The following ENTHD1 variants were observed in gnomAD, a reference collection of about 807,000 sequenced individuals.
ENTHD1 encodes the protein ENTH domain-containing protein 1.
A neutral mutation model predicts 39.1 loss-of-function variants in ENTHD1; 23 were observed. The ratio of observed to expected loss-of-function variants is 0.59; its 90% confidence interval spans 0.42 to 0.83. The LOEUF is 0.83. Among genes scored for constraint, ENTHD1 ranks in the 40% least tolerant of loss-of-function variants. ENTHD1 has a pLI of 0.00. For missense variants in ENTHD1, 624 were observed against 705.4 expected (o/e 0.88, Z 1.31); for synonymous variants, 230 against 258.2 (o/e 0.89, Z 1.05).
At chr22:39,865,759 T>TG (rs2066177340) in intron 2 of ENTHD1, among the ~76,000 whole-genome samples, 1 of 152,196 alleles carries the variant, frequency 6.6e-6, no homozygotes, top group Admixed American at 6.5e-5. Flanking sequence ...CAGTTTTAAT[T>TG]GGGAATCTTT....
At chr22:39,881,090 C>A (rs1246168260) in intron 2 of ENTHD1, among the ~76,000 whole-genome samples, 1 of 152,172 alleles carries the variant, frequency 6.6e-6, no homozygotes, top group African/African-American at 2.4e-5. Flanking sequence ...CCACTTGTTA[C>A]AAAGTGCAGT....
chr22:39,823,873 G>A (rs894151564), intron 4 of ENTHD1, among the ~76,000 whole-genome samples: 1 of 152,132 alleles, frequency 6.6e-6, no homozygotes, highest in South Asian at 2.1e-4. Flanking sequence ...TTCATTGCAT[G>A]TTTAAGTTAC....
intron 5 of ENTHD1, among the ~76,000 whole-genome samples, chr22:39,820,532 A>G (rs1281594441): frequency 1.3e-5 from 2 of 152,206 alleles, no homozygotes; most frequent in African/African-American, 4.8e-5. Context: ...GCCCAGTTGG[A>G]ACTCAATCGT....
At chr22:39,765,014 A>C (rs2065263358) in intron 6 of ENTHD1, among the ~76,000 whole-genome samples, 1 of 152,156 alleles carries the variant, frequency 6.6e-6, no homozygotes, top group Admixed American at 6.5e-5. Flanking sequence ...CACGGTGATG[A>C]ATTATCTATT....
intron 3 of ENTHD1, among the ~76,000 whole-genome samples, chr22:39,838,561 C>G (rs930547187): frequency 3.9e-5 from 6 of 152,174 alleles, no homozygotes; most frequent in East Asian, 1.9e-4. Context: ...CTGCTGAGCC[C>G]TGCTTGTAGC....
intron 5 of ENTHD1, among the ~76,000 whole-genome samples, chr22:39,768,089 TAA>T (rs1425827160): frequency 6.6e-6 from 1 of 152,208 alleles, no homozygotes; most frequent in Non-Finnish European, 1.5e-5. Flanking sequence ...TACAGAAAGC[TAA>T]AGAGTCTTGA....
At chr22:39,833,103 TC>T (rs2146671704) in intron 4 of ENTHD1, among the ~76,000 whole-genome samples, 1 of 152,208 alleles carries the variant, frequency 6.6e-6, no homozygotes, top group East Asian at 1.9e-4. Context: ...AAGAAGTGTC[TC>T]CCCCTAAGGC....
intron 5 of ENTHD1, among the ~76,000 whole-genome samples, chr22:39,777,919 G>C (rs1425310036): frequency 6.6e-6 from 1 of 152,216 alleles, no homozygotes; most frequent in Non-Finnish European, 1.5e-5. Context: ...AACGGAGCCT[G>C]GTCTCTGGTA....
At chr22:39,836,727 G>T (rs1423930298) in intron 3 of ENTHD1, among the ~76,000 whole-genome samples, 29 of 152,174 alleles carry the variant, frequency 1.9e-4, no homozygotes, top group Non-Finnish European at 1.5e-5. Flanking sequence ...GGTGGGAGGT[G>T]ATTGGTTCAT....
At chr22:39,858,996 CA>C (rs1362631239) in intron 3 of ENTHD1, among the ~76,000 whole-genome samples, 1 of 152,204 alleles carries the variant, frequency 6.6e-6, no homozygotes, top group Non-Finnish European at 1.5e-5. Context: ...CCCCCTTCAT[CA>C]ATTACCTTAG....
intron 4 of ENTHD1, among the ~76,000 whole-genome samples, chr22:39,833,175 G>T (rs2065883515): frequency 6.6e-6 from 1 of 152,124 alleles, no homozygotes; most frequent in Non-Finnish European, 1.5e-5. Context: ...CTTAGGGTGA[G>T]AAATGATCAG....
At chr22:39,857,068 A>T (rs2066097327) in intron 3 of ENTHD1, among the ~76,000 whole-genome samples, 1 of 152,162 alleles carries the variant, frequency 6.6e-6, no homozygotes, top group African/African-American at 2.4e-5. Context: ...TCACTTTTTT[A>T]AAATAGTCAA....
intron 4 of ENTHD1, among the ~76,000 whole-genome samples, chr22:39,832,695 G>A (rs1363305831): frequency 6.6e-6 from 1 of 152,154 alleles, no homozygotes; most frequent in Non-Finnish European, 1.5e-5. Flanking sequence ...CCTCTCACAA[G>A]ATCAACCCAG....
intron 4 of ENTHD1, among the ~76,000 whole-genome samples, chr22:39,830,300 C>G (rs1287577520): frequency 6.6e-6 from 1 of 152,134 alleles, no homozygotes; most frequent in African/African-American, 2.4e-5. Flanking sequence ...GTCTTGAACT[C>G]CTGACCTCAA....
chr22:39,865,353 G>A (rs1008958277), intron 2 of ENTHD1, among the ~76,000 whole-genome samples: 1 of 151,978 alleles, frequency 6.6e-6, no homozygotes, highest in Non-Finnish European at 1.5e-5. Context: ...ACCCTAGCTT[G>A]CTATCATCCT....
chr22:39,798,707 C>T (rs1415654990), intron 5 of ENTHD1, among the ~76,000 whole-genome samples: 1 of 152,104 alleles, frequency 6.6e-6, no homozygotes, highest in Admixed American at 6.5e-5. Context: ...TCCAAACAGG[C>T]CTATTCTTGG....
In ENTHD1 at chr22:39,743,860, A is replaced by T; in HGVS notation, c.1643T>A (p.Ile548Asn). 6.2e-7 allele frequency: 1 copy of T among 1,614,116 alleles called. No homozygotes were observed. The highest frequency in any genetic ancestry group is 8.5e-7 in the Non-Finnish European group (1 of 1,179,986). The part of the protein sequence containing the change: ...FPQEPEAKNS[I>N]SVLLREVKRA... ...TTTTACCTCCCTTAAAAGAACACTA[A>T]TGGAATTCTTTGCTTCAGGTTCCTG... is the stretch of plus-strand genomic sequence containing the variant. Residue 548 changes from isoleucine to asparagine, a missense_variant, in exon 7 of 7, where the codon ATT becomes AAT. By Grantham distance (149) the Ile-to-Asn change is moderately radical. Coordinates refer to ENST00000325157, the MANE Select transcript of ENTHD1 (RefSeq NM_152512.4).
intron 2 of ENTHD1, among the ~76,000 whole-genome samples, chr22:39,880,872 A>G (rs776422069): frequency 6.6e-6 from 1 of 152,216 alleles, no homozygotes; most frequent in Non-Finnish European, 1.5e-5. Flanking sequence ...CCTTCATTCA[A>G]CAATATACTG....
chr22:39,848,208 G>A (rs1041764504), intron 3 of ENTHD1, among the ~76,000 whole-genome samples: 4 of 151,772 alleles, frequency 2.6e-5, no homozygotes, highest in Admixed American at 6.6e-5. Context: ...CTCCCTCTTC[G>A]GCCACCAGCT....
Sources: gnomAD v4.1 joint callset for allele counts (sites outside exome capture counted in the v4.1 genomes callset) on GRCh38, gnomAD v4.1.1 for gene constraint, MANE v1.5 for transcripts, NCBI Gene and HGNC (gene_info 2026-07-23, HGNC 2026-07-21) for gene names.